The following CREB5 variants were observed in gnomAD, a reference collection of about 807,000 sequenced individuals.
CREB5 encodes the protein cAMP responsive element binding protein 5.
In CREB5, 19 loss-of-function variants were observed where a neutral mutation model predicts 57.1. The observed-to-expected ratio is 0.33, with a 90% CI of 0.23 to 0.49. The LOEUF (loss-of-function observed/expected upper bound fraction) is 0.49, where lower values mean the gene tolerates loss of function less well. CREB5 is among the 20% of genes least tolerant of loss of function. CREB5 has a pLI of 0.99. For synonymous variants in CREB5, 238 were observed against 238.3 expected (o/e 1.00, Z 0.01); for missense variants, 579 against 671.6 (o/e 0.86, Z 1.52).
At chr7:28,344,289 A>T (rs572085499) in intron 1 of CREB5, among the ~76,000 whole-genome samples, 55 of 152,248 alleles carry the variant, frequency 3.6e-4, no homozygotes, top group African/African-American at 1.2e-3. Context: ...TGAGTCTTAC[A>T]TTTAACACTT....
At chr7:28,778,453 G>A (rs924170454) in intron 7 of CREB5, among the ~76,000 whole-genome samples, 2 of 152,114 alleles carry the variant, frequency 1.3e-5, no homozygotes, top group African/African-American at 4.8e-5. Context: ...ACTGATTCTT[G>A]TTATAAATCT....
At chr7:28,462,087 A>G (rs752985524) in intron 1 of CREB5, among the ~76,000 whole-genome samples, 14 of 152,152 alleles carry the variant, frequency 9.2e-5, no homozygotes, top group Non-Finnish European at 1.2e-4. Flanking sequence ...TTCCCCTCAT[A>G]GCCCCCGGTA....
At chr7:28,733,225 G>A (rs1562603268) in intron 7 of CREB5, among the ~76,000 whole-genome samples, 2 of 152,140 alleles carry the variant, frequency 1.3e-5, no homozygotes, top group South Asian at 2.1e-4. Flanking sequence ...GAGGTGTAAG[G>A]AGCACACTTG....
At chr7:28,531,057 C>A (rs1793706734) in intron 4 of CREB5, among the ~76,000 whole-genome samples, 1 of 151,434 alleles carries the variant, frequency 6.6e-6, no homozygotes, top group Admixed American at 6.6e-5. Flanking sequence ...TTTTTTTTTC[C>A]CAGTGGGTGG....
chr7:28,323,109 G>A (rs1236378782), intron 1 of CREB5, among the ~76,000 whole-genome samples: 1 of 151,992 alleles, frequency 6.6e-6, no homozygotes, highest in Non-Finnish European at 1.5e-5. Flanking sequence ...TAATGACCAT[G>A]CCCTGTCACT....
chr7:28,322,203 T>G (rs772653689), intron 1 of CREB5, among the ~76,000 whole-genome samples: 21 of 152,254 alleles, frequency 1.4e-4, no homozygotes, highest in Non-Finnish European at 2.1e-4. Flanking sequence ...GAGGAACAAT[T>G]GGCTCCTTGG....
At chr7:28,374,765 G>A (rs972293182) in intron 1 of CREB5, among the ~76,000 whole-genome samples, 3 of 152,174 alleles carry the variant, frequency 2.0e-5, no homozygotes, top group Admixed American at 1.3e-4. Context: ...GCCTCAGAGC[G>A]AAATAGGCCT....
chr7:28,800,135 A>G (rs938153624), intron 7 of CREB5, among the ~76,000 whole-genome samples: 2 of 152,366 alleles, frequency 1.3e-5, no homozygotes, highest in Middle Eastern at 6.8e-3. Flanking sequence ...TTATATCGCT[A>G]CAAACTAAAC....
chr7:28,711,454 T>C (rs1468816447), intron 5 of CREB5, among the ~76,000 whole-genome samples: 1 of 152,228 alleles, frequency 6.6e-6, no homozygotes. Flanking sequence ...GGAAATATTA[T>C]ATCTGCTCTC....
chr7:28,475,484 A>AAT, intron 1 of CREB5, among the ~76,000 whole-genome samples: 1 of 152,114 alleles, frequency 6.6e-6, no homozygotes, highest in African/African-American at 2.4e-5. Context: ...AAAGAAAAAA[A>AAT]AATAAGGAAG....
At chr7:28,635,015 C>T (rs1798358427) in intron 5 of CREB5, among the ~76,000 whole-genome samples, 1 of 152,186 alleles carries the variant, frequency 6.6e-6, no homozygotes, top group Admixed American at 6.5e-5. Flanking sequence ...TCCAGGGCTG[C>T]TAACCCAAGG....
chr7:28,766,449 A>C (rs1372496511), intron 7 of CREB5, among the ~76,000 whole-genome samples: 2 of 152,232 alleles, frequency 1.3e-5, no homozygotes, highest in Non-Finnish European at 2.9e-5. Context: ...ATTAACATGC[A>C]AAGTCTGTTG....
At chr7:28,443,761 T>C (rs1789302954) in intron 1 of CREB5, among the ~76,000 whole-genome samples, 1 of 152,158 alleles carries the variant, frequency 6.6e-6, no homozygotes, top group Non-Finnish European at 1.5e-5. Context: ...CTCCCCACCT[T>C]ATGGCTAATT....
chr7:28,430,543 G>A (rs1288200585), intron 1 of CREB5, among the ~76,000 whole-genome samples: 1 of 152,216 alleles, frequency 6.6e-6, no homozygotes, highest in Non-Finnish European at 1.5e-5. Context: ...TATGATTGAT[G>A]TAGCAAAATA....
At chr7:28,434,225 C>T (rs1009946259) in intron 1 of CREB5, among the ~76,000 whole-genome samples, 1 of 152,114 alleles carries the variant, frequency 6.6e-6, no homozygotes, top group African/African-American at 2.4e-5. Flanking sequence ...ATCTCCACCA[C>T]CTCATTTTAC....
intron 5 of CREB5, among the ~76,000 whole-genome samples, chr7:28,597,986 G>T (rs964197812): frequency 1.6e-5 from 2 of 123,386 alleles, no homozygotes; most frequent in African/African-American, 6.2e-5. Context: ...AAAGGAAAAG[G>T]CAAGGAAGAG....
intron 5 of CREB5, among the ~76,000 whole-genome samples, chr7:28,620,814 T>C (rs1797765064): frequency 6.6e-6 from 1 of 152,142 alleles, no homozygotes; most frequent in Admixed American, 6.5e-5. Context: ...CTAGAAATAC[T>C]GTTACCAAAG....
intron 4 of CREB5, among the ~76,000 whole-genome samples, chr7:28,564,809 T>G (rs2128645136): frequency 6.6e-6 from 1 of 152,368 alleles, no homozygotes; most frequent in East Asian, 1.9e-4. Context: ...CTATAATTTT[T>G]GGGAGGCTCA....
At chr7:28,637,213 G>C (rs1473821123) in intron 5 of CREB5, among the ~76,000 whole-genome samples, 2 of 151,906 alleles carry the variant, frequency 1.3e-5, no homozygotes, top group Non-Finnish European at 2.9e-5. Context: ...TTGACCACCT[G>C]AATTATGTTT....
Sources: allele counts gnomAD v4.1 joint callset (sites outside exome capture counted in the v4.1 genomes callset), GRCh38; gene constraint gnomAD v4.1.1; transcripts MANE v1.5; gene names NCBI Gene and HGNC (gene_info 2026-07-23, HGNC 2026-07-21).